The following SEC63 variants were observed in gnomAD, a reference collection of about 807,000 sequenced individuals.
SEC63 encodes the protein translocation protein SEC63 homolog.
In SEC63, 56 loss-of-function variants were observed where a neutral mutation model predicts 116.2. The observed-to-expected ratio is 0.48, with a 90% CI of 0.39 to 0.60. The LOEUF (loss-of-function observed/expected upper bound fraction) is 0.60, where lower values mean the gene tolerates loss of function less well. SEC63 is among the 20% of genes least tolerant of loss of function. SEC63 has a pLI of 0.00. For missense variants in SEC63, 668 were observed against 900.0 expected (o/e 0.74, Z 3.30); for synonymous variants, 273 against 294.6 (o/e 0.93, Z 0.75).
intron 6 of SEC63, among the ~76,000 whole-genome samples, chr6:107,911,960 T>C (rs1233892622): frequency 6.6e-6 from 1 of 152,194 alleles, no homozygotes; most frequent in Non-Finnish European, 1.5e-5. Context: ...CTAAATCTGG[T>C]AGTAACTTAT....
chr6:107,928,347 G>A (rs1787721972), intron 2 of SEC63, among the ~76,000 whole-genome samples: 1 of 151,908 alleles, frequency 6.6e-6, no homozygotes, highest in African/African-American at 2.4e-5. Context: ...AAGTTAACCA[G>A]GTGTAGTGGC....
chr6:107,894,798 C>T (rs2114429256), intron 14 of SEC63, among the ~76,000 whole-genome samples: 1 of 150,412 alleles, frequency 6.6e-6, no homozygotes, highest in South Asian at 2.1e-4. Context: ...AGACAGTGGT[C>T]TTGTTATGTT....
chr6:107,893,200 C>T (rs1284617472), intron 16 of SEC63, among the ~76,000 whole-genome samples: 1 of 150,946 alleles, frequency 6.6e-6, no homozygotes, highest in African/African-American at 2.4e-5. Context: ...TTATCATGAA[C>T]ATAATGCTGA....
chr6:107,933,657 C>CCTGCCT (rs1355877856), intron 1 of SEC63, among the ~76,000 whole-genome samples: 16 of 151,238 alleles, frequency 1.1e-4, no homozygotes, highest in South Asian at 2.1e-4. Context: ...TAAAGAAACA[C>CCTGCCT]CTGCCTCTGC....
intron 1 of SEC63, among the ~76,000 whole-genome samples, chr6:107,950,625 G>A (rs1770562654): frequency 6.6e-6 from 1 of 152,176 alleles, no homozygotes; most frequent in African/African-American, 2.4e-5. Context: ...ATACACAGAA[G>A]TTAAATCAGT....
In SEC63 at chr6:107,879,471, A is replaced by G. The variant is rs1452568952; in HGVS notation, c.1935+1678T>C. Reference sequence around the variant, plus strand: ...CCTCCTGAGTGGTGGGATTACAGGCATGTGACACCATGCCCAGCCAATTTT... The same window carrying G: ...CCTCCTGAGTGGTGGGATTACAGGCGTGTGACACCATGCCCAGCCAATTTT... On this transcript the variant is annotated intron_variant, in intron 18 of 20. Coordinates refer to ENST00000369002, the MANE Select transcript of SEC63 (RefSeq NM_007214.5). Among the ~76,000 whole-genome samples, 4 of 152,188 alleles carry G rather than the reference A, an allele frequency of 2.6e-5. No homozygotes were observed. The East Asian group carries it at 7.7e-4, about 29-fold the overall frequency.
At chr6:107,943,230 C>T (rs926212676) in intron 1 of SEC63, among the ~76,000 whole-genome samples, 4 of 152,208 alleles carry the variant, frequency 2.6e-5, no homozygotes, top group Non-Finnish European at 5.9e-5. Flanking sequence ...CACTAGTTAA[C>T]TTTACACAGT....
chr6:107,902,730 A>G (rs1787036103), intron 12 of SEC63, 114 bp downstream of exon 12: 1 of 980,272 alleles, frequency 1.0e-6, no homozygotes, highest in Admixed American at 1.8e-5. Flanking sequence ...AGTATTTAAG[A>G]CATTCTAAAT....
chr6:107,908,348 A>T (rs1787198313), intron 8 of SEC63, among the ~76,000 whole-genome samples: 1 of 152,152 alleles, frequency 6.6e-6, no homozygotes, highest in South Asian at 2.1e-4. Flanking sequence ...TTTTTTTCTT[A>T]AATTTTTAAA....
Position 107,872,765 on chromosome 6 carries a change from T to A in SEC63, c.2139+43A>T, listed in dbSNP as rs779241231. 4.3e-6 allele frequency: 5 copies of A among 1,154,976 alleles called. No individual in the cohort carries two copies. The East Asian group carries it at 1.2e-4, about 28-fold the overall frequency. 71.5% of individuals were successfully genotyped at this position (1,154,976 alleles called of 1,614,324 possible). A position where few individuals can be genotyped will look rare whatever the true frequency, so the allele number is the denominator to read the frequency against. ...AATGTTTTCCTAGTATATTAAACAT[T>A]TATACAGAAAACTCTTATTTATTGA... On this transcript the variant is annotated intron_variant, in intron 20 of 20. Transcript: ENST00000369002.
chr6:107,943,357 T>C (rs1223300973), intron 1 of SEC63, among the ~76,000 whole-genome samples: 1 of 152,252 alleles, frequency 6.6e-6, no homozygotes, highest in Non-Finnish European at 1.5e-5. Flanking sequence ...GTTTCTTTTA[T>C]GGTAGCAAAT....
intron 1 of SEC63, among the ~76,000 whole-genome samples, chr6:107,930,651 AT>A (rs1397392396): frequency 1.3e-5 from 2 of 152,152 alleles, no homozygotes; most frequent in East Asian, 3.9e-4. Flanking sequence ...AGTATCATAA[AT>A]TCTAATTATT....
At chr6:107,915,053 G>T (rs1787367302) in intron 4 of SEC63, among the ~76,000 whole-genome samples, 1 of 152,222 alleles carries the variant, frequency 6.6e-6, no homozygotes, top group South Asian at 2.1e-4. Flanking sequence ...AGAAGCAAAT[G>T]AATTTTTGTT....
chr6:107,901,273 G>A, intron 13 of SEC63, 97 bp downstream of exon 13: 14 of 1,201,058 alleles, frequency 1.2e-5, no homozygotes, highest in South Asian at 2.4e-5. Context: ...AACAAGTTAT[G>A]TTATTAAGTA....
intron 14 of SEC63, among the ~76,000 whole-genome samples, chr6:107,896,413 C>G (rs533536050): frequency 5.3e-5 from 8 of 152,016 alleles, no homozygotes; most frequent in Non-Finnish European, 1.2e-4. Flanking sequence ...TTGCAGTGAG[C>G]CAAGATTGCA....
chr6:107,917,604 G>A (rs182167663), intron 4 of SEC63, among the ~76,000 whole-genome samples: 138 of 152,286 alleles, frequency 9.1e-4, no homozygotes, highest in Admixed American at 2.0e-3. Context: ...GAGCAACAGC[G>A]CTTAAAGGAA....
At chr6:107,908,027 G>A (rs913611101) in intron 8 of SEC63, among the ~76,000 whole-genome samples, 4 of 152,120 alleles carry the variant, frequency 2.6e-5, no homozygotes, top group East Asian at 1.9e-4. Context: ...TAATATTTTC[G>A]ATAAGGCAAA....
Position 107,876,682 on chromosome 6 carries a change from AAAAAAAAG to A in SEC63, c.1936-28_1936-21del. ...TTTTTCCTGGAAACAAAAAAAAAAA[AAAAAAAAG>A]AAGAGGGGTATAAATAATCAGAAAG... On this transcript the variant is annotated intron_variant, in intron 18 of 20. Coordinates refer to ENST00000369002, the MANE Select transcript of SEC63 (RefSeq NM_007214.5). 1 of 1,506,064 alleles carries A rather than the reference AAAAAAAAG, an allele frequency of 6.6e-7. No homozygotes were observed. The highest frequency in any genetic ancestry group is 9.1e-7 in the Non-Finnish European group (1 of 1,096,408). The allele number at this position is 1,506,064 out of a possible 1,614,324, so 93.3% of individuals were successfully genotyped here.
At chr6:107,911,057 A>T (rs578127152) in intron 7 of SEC63, 1 of 384,124 alleles carries the variant, frequency 2.6e-6, no homozygotes, top group East Asian at 5.4e-5. Flanking sequence ...ATCATGCTCA[A>T]GTAATGTCAC....
Sources: gnomAD v4.1 joint callset for allele counts (sites outside exome capture counted in the v4.1 genomes callset) on GRCh38, gnomAD v4.1.1 for gene constraint, MANE v1.5 for transcripts, NCBI Gene and HGNC (gene_info 2026-07-23, HGNC 2026-07-21) for gene names.